The following STX17 variants were observed in gnomAD, a reference collection of about 807,000 sequenced individuals.
STX17 encodes the protein syntaxin 17.
In STX17, 29 loss-of-function variants were observed where a neutral mutation model predicts 35.9. The ratio of observed to expected loss-of-function variants is 0.81; its 90% confidence interval spans 0.60 to 1.10. The LOEUF is 1.10. Among genes scored for constraint, STX17 ranks in the 50% least tolerant of loss-of-function variants. The pLI, the probability that STX17 is intolerant of heterozygous loss-of-function variation, is 0.00. For synonymous variants in STX17, 92 were observed against 118.3 expected (o/e 0.78, Z 1.44); for missense variants, 312 against 352.3 (o/e 0.89, Z 0.92).
chr9:99,916,878 A>G (rs1010979107), intron 2 of STX17, among the ~76,000 whole-genome samples: 2 of 152,130 alleles, frequency 1.3e-5, no homozygotes, highest in African/African-American at 2.4e-5. Context: ...TGTCTGTCTT[A>G]GATTTCCTTT....
intron 2 of STX17, among the ~76,000 whole-genome samples, chr9:99,926,785 A>G (rs544030187): frequency 1.3e-5 from 2 of 152,340 alleles, no homozygotes; most frequent in Admixed American, 1.3e-4. Flanking sequence ...GGCGTGAGCC[A>G]CTGCGCCCAG....
intron 1 of STX17, among the ~76,000 whole-genome samples, chr9:99,911,779 G>T (rs1429603559): frequency 6.6e-6 from 1 of 152,056 alleles, no homozygotes; most frequent in Non-Finnish European, 1.5e-5. Context: ...ATCTTGCTAT[G>T]TTGCCCAGGC....
chr9:99,960,011 A>G lies in STX17; in HGVS notation c.510A>G (p.Glu170=). Residue 170 remains glutamate (E), a synonymous_variant, in exon 5 of 8, where the codon GAA becomes GAG. Transcript: ENST00000259400. ...PEIPQDQNAA[E]SWETLEADLI... ...TTCCTCAAGATCAAAATGCTGCAGA[A>G]TCGTGGGAAACCTTAGAAGCGGTAT... 1.2e-6 allele frequency: 2 copies of G among 1,614,038 alleles called. No homozygotes were observed. Among genetic ancestry groups the G allele is most frequent in the South Asian group, 2.2e-5 (2 of 91,068 alleles).
At chr9:99,915,115 T>C (rs1828741292) in intron 1 of STX17, 63 bp from the exon 2 acceptor site, 1 of 1,115,610 alleles carries the variant, frequency 9.0e-7, no homozygotes, top group South Asian at 2.2e-5. Flanking sequence ...AAACTAATCG[T>C]TGGCTTTTAA....
chr9:99,916,765 G>C (rs1331540131), intron 2 of STX17, among the ~76,000 whole-genome samples: 1 of 152,132 alleles, frequency 6.6e-6, no homozygotes, highest in African/African-American at 2.4e-5. Flanking sequence ...TTTTAAGGAT[G>C]GATAAGGAGT....
chr9:99,947,081 T>G (rs1829501459), intron 3 of STX17, among the ~76,000 whole-genome samples: 1 of 152,130 alleles, frequency 6.6e-6, no homozygotes, highest in Non-Finnish European at 1.5e-5. Context: ...TAAATGTATA[T>G]TGTACCCTTT....
In STX17 at chr9:99,973,119, A is replaced by T. The variant is rs1830046372; in HGVS notation, c.*4446A>T. ...TACAAAGAAACTTCTTAGGTATTAT[A>T]AACCATCAATGTAAAGGATCCACAT... is the stretch of plus-strand genomic sequence containing the variant. On this transcript the variant is annotated 3_prime_UTR_variant, in exon 8 of 8. Coordinates refer to ENST00000259400, the MANE Select transcript of STX17 (RefSeq NM_017919.3). Among the ~76,000 whole-genome samples the T allele has an allele frequency of 6.6e-6, 1 of 152,166 alleles. No individual in the cohort carries two copies. Among genetic ancestry groups the T allele is most frequent in the Admixed American group, 6.5e-5 (1 of 15,278 alleles).
intron 1 of STX17, among the ~76,000 whole-genome samples, chr9:99,912,451 T>C (rs1828685115): frequency 6.6e-6 from 1 of 152,244 alleles, no homozygotes; most frequent in Admixed American, 6.5e-5. Context: ...TTTGCCCACT[T>C]TTTAATGGAA....
rs1287023678 is a variant in STX17, at chr9:99,922,288, C to T, written c.124-6490C>T. Among the ~76,000 whole-genome samples, 4 of 152,166 alleles carry T rather than the reference C, an allele frequency of 2.6e-5. No homozygotes were observed. The South Asian group carries it at 6.2e-4, about 24-fold the overall frequency. The stretch of plus-strand genomic sequence containing the variant: ...CAGTCTGTGTATTGGAAGATGTGAC[C>T]ATATTTGGTGAGAGTGGAGGGGTAG... On this transcript the variant is annotated intron_variant, in intron 2 of 7. Transcript: ENST00000259400.
chr9:99,972,842 G>T lies in STX17; in HGVS notation c.*4169G>T, dbSNP rs1370896514. 1.3e-5 allele frequency among the ~76,000 whole-genome samples: 2 copies of T among 152,130 alleles called. No homozygotes were observed. The highest frequency in any genetic ancestry group is 2.4e-5 in the African/African-American group (1 of 41,456). The stretch of plus-strand genomic sequence containing the variant: ...TACAAGGAAGGATGAGGAAAAGCCT[G>T]GGGGGAGGTTCTCCTCGGAAATGAG... On this transcript the variant is annotated 3_prime_UTR_variant, in exon 8 of 8. Coordinates refer to ENST00000259400, the MANE Select transcript of STX17 (RefSeq NM_017919.3).
chr9:99,956,669 G>A (rs1418929499), intron 4 of STX17, among the ~76,000 whole-genome samples: 3 of 152,168 alleles, frequency 2.0e-5, no homozygotes, highest in African/African-American at 2.4e-5. Context: ...AACTTACTCT[G>A]TATCGCCTGC....
intron 3 of STX17, among the ~76,000 whole-genome samples, chr9:99,930,280 T>G (rs761754223): frequency 6.6e-6 from 1 of 151,136 alleles, no homozygotes; most frequent in Non-Finnish European, 1.5e-5. Flanking sequence ...TTCATTTCAT[T>G]TTTTTGAGAC....
intron 3 of STX17, among the ~76,000 whole-genome samples, chr9:99,941,184 A>G (rs1362712311): frequency 6.6e-6 from 1 of 152,228 alleles, no homozygotes; most frequent in Non-Finnish European, 1.5e-5. Context: ...CAAAGTATTA[A>G]GAAAGCATTC....
At chr9:99,968,198 A>G (rs1829954791) in intron 7 of STX17, among the ~76,000 whole-genome samples, 1 of 152,230 alleles carries the variant, frequency 6.6e-6, no homozygotes, top group African/African-American at 2.4e-5. Context: ...TTTTGCAAGT[A>G]AAATCAATTT....
intron 1 of STX17, among the ~76,000 whole-genome samples, chr9:99,908,434 C>G (rs1046850096): frequency 2.6e-5 from 4 of 152,138 alleles, no homozygotes; most frequent in Non-Finnish European, 4.4e-5. Flanking sequence ...GATGAGCTGC[C>G]CATTTCCCAT....
At chr9:99,909,503 AG>A (rs1828617606) in intron 1 of STX17, among the ~76,000 whole-genome samples, 1 of 152,260 alleles carries the variant, frequency 6.6e-6, no homozygotes, top group Non-Finnish European at 1.5e-5. Flanking sequence ...ATAGAAGAAA[AG>A]AAAAGAGGCA....
At chr9:99,930,406 T>C (rs1295830769) in intron 3 of STX17, among the ~76,000 whole-genome samples, 2 of 152,022 alleles carry the variant, frequency 1.3e-5, no homozygotes, top group African/African-American at 4.8e-5. Flanking sequence ...TAGCTGGGAC[T>C]ACAGGCGCCC....
In STX17 at chr9:99,970,453, C is replaced by T. The variant is rs939808332; in HGVS notation, c.*1780C>T. 4 of 152,110 alleles carry T rather than the reference C, an allele frequency of 2.6e-5. No individual in the cohort carries two copies. The highest frequency in any genetic ancestry group is 4.4e-5 in the Non-Finnish European group (3 of 68,032). 9.4% of individuals were successfully genotyped at this position (152,110 alleles called of 1,614,324 possible). On this transcript the variant is annotated 3_prime_UTR_variant, in exon 8 of 8. Transcript: ENST00000259400. ...TATTGGACACCTGTGATATTGGACA[C>T]CTGTGAGGCTGGGATAATTACTTTT...
At chr9:99,924,566 A>G (rs1204692893) in intron 2 of STX17, among the ~76,000 whole-genome samples, 1 of 152,114 alleles carries the variant, frequency 6.6e-6, no homozygotes, top group Non-Finnish European at 1.5e-5. Context: ...TACCTACCCT[A>G]TGGGGTAGAT....
Sources: gnomAD v4.1 joint callset for allele counts (sites outside exome capture counted in the v4.1 genomes callset) on GRCh38, gnomAD v4.1.1 for gene constraint, MANE v1.5 for transcripts, NCBI Gene and HGNC (gene_info 2026-07-23, HGNC 2026-07-21) for gene names.